Variants in SYT10 observed in about 807,000 individuals in gnomAD.
SYT10 encodes synaptotagmin 10.
A neutral mutation model predicts 51.1 loss-of-function variants in SYT10; 31 were observed. The observed-to-expected ratio is 0.61, with a 90% confidence interval of 0.46 to 0.82. The LOEUF is 0.82. SYT10 is among the 40% of genes least tolerant of loss of function. The pLI is 0.00. For missense variants in SYT10, 603 were observed against 634.0 expected (o/e 0.95, Z 0.53); for synonymous variants, 233 against 225.9 (o/e 1.03, Z -0.28).
intron 2 of SYT10, among the ~76,000 whole-genome samples, chr12:33,412,653 G>A (rs1323908377): frequency 6.6e-6 from 1 of 152,086 alleles, no homozygotes; most frequent in Non-Finnish European, 1.5e-5. Flanking sequence ...CCAACAAACA[G>A]AAAGGACATC....
chr12:33,421,575 G>A (rs1866505450), intron 2 of SYT10, among the ~76,000 whole-genome samples: 1 of 151,804 alleles, frequency 6.6e-6, no homozygotes, highest in African/African-American at 2.4e-5. Context: ...TATTTAAAAA[G>A]GCAAAATGAA....
At position 33,376,057 on chromosome 12, in the gene SYT10, T is replaced by C. The variant is rs1866058990; in HGVS notation, c.*773A>G. The C allele has an allele frequency of 2.0e-5, 3 of 152,388 alleles. No homozygotes were observed. Among genetic ancestry groups the C allele is most frequent in the Admixed American group, 2.0e-4 (3 of 15,280 alleles). 9.4% of individuals were successfully genotyped at this position (152,388 alleles called of 1,614,324 possible). A position where few individuals can be genotyped will look rare whatever the true frequency, so the allele number is the denominator to read the frequency against. ...ACTAATGCTACATTTGAGATGAAGATTATTAGAATTTTAAAAATATCAGTT... is the reference window on the plus strand; with the variant it reads ...ACTAATGCTACATTTGAGATGAAGACTATTAGAATTTTAAAAATATCAGTT... On this transcript the variant is annotated 3_prime_UTR_variant, in exon 7 of 7. Coordinates refer to ENST00000228567, the MANE Select transcript of SYT10 (RefSeq NM_198992.4).
chr12:33,439,271 G>A, intron 1 of SYT10, 101 bp downstream of exon 1: 1 of 1,443,116 alleles, frequency 6.9e-7, no homozygotes. Context: ...CCCCAAATAT[G>A]CCGCGGGAGC....
intron 2 of SYT10, among the ~76,000 whole-genome samples, chr12:33,410,611 G>T (rs529750473): frequency 1.3e-5 from 2 of 152,146 alleles, no homozygotes; most frequent in African/African-American, 4.8e-5. Flanking sequence ...AAAGTAAACT[G>T]CAGTGTTTTT....
Position 33,406,813 on chromosome 12 carries a change from C to T in SYT10, c.1053G>A (p.Trp351Ter). 2 of 1,611,970 alleles carry T rather than the reference C, an allele frequency of 1.2e-6. No homozygotes were observed. The highest frequency in any genetic ancestry group is 4.5e-5 in the East Asian group (2 of 44,852). Residue 351 changes from tryptophan to a stop codon, truncating the protein, a stop_gained, in exon 3 of 7, where the codon TGG becomes TGA. Transcript: ENST00000228567. LOFTEE classifies it high-confidence loss of function. ...VSDLSREATV[W>*]KDIHCATTES... The stretch of plus-strand genomic sequence containing the variant: ...CTGTGGTAGCACAGTGAATATCTTT[C>T]CATACTGTGGCTTCCCTGGAGAGAT...
At chr12:33,377,013 A>G in intron 6 of SYT10, 112 bp from the exon 7 acceptor site, 1 of 1,133,724 alleles carries the variant, frequency 8.8e-7, no homozygotes. Flanking sequence ...GAATCTCTGA[A>G]GAAAGGAAAT....
At chr12:33,382,609 A>G (rs1454695379) in intron 4 of SYT10, 89 bp from the exon 5 acceptor site, 7 of 1,272,014 alleles carry the variant, frequency 5.5e-6, no homozygotes, top group Non-Finnish European at 7.4e-6. Flanking sequence ...AATAAGACCT[A>G]TAGTACTAAG....
At chr12:33,393,716 G>T (rs1866229896) in intron 3 of SYT10, among the ~76,000 whole-genome samples, 1 of 152,094 alleles carries the variant, frequency 6.6e-6, no homozygotes, top group African/African-American at 2.4e-5. Context: ...GAAGACTCTA[G>T]ATGACCTGAC....
Position 33,439,650 on chromosome 12 carries a change from G to A in SYT10, c.-128C>T. 1 of 1,196,430 alleles carries A rather than the reference G, an allele frequency of 8.4e-7. No homozygotes were observed. The highest frequency in any genetic ancestry group is 1.5e-5 in the South Asian group (1 of 65,860). The allele number at this position is 1,196,430 out of a possible 1,614,324, so 74.1% of individuals were successfully genotyped here. On this transcript the variant is annotated 5_prime_UTR_variant, in exon 1 of 7. Transcript: ENST00000228567. ...GGTGACTTTGGCTGGAGATTGCGCCGCTGAGAGCCGGCAACTCTTAGGAGC... is the reference window on the plus strand; with the variant it reads ...GGTGACTTTGGCTGGAGATTGCGCCACTGAGAGCCGGCAACTCTTAGGAGC...
intron 2 of SYT10, 98 bp downstream of exon 2, chr12:33,426,040 A>C: frequency 7.9e-7 from 1 of 1,260,192 alleles, no homozygotes; most frequent in South Asian, 1.6e-5. Context: ...TCCCAACTAA[A>C]GTTTTTCTCT....
intron 2 of SYT10, among the ~76,000 whole-genome samples, chr12:33,416,240 C>A (rs1256956077): frequency 2.0e-5 from 3 of 152,050 alleles, no homozygotes. Flanking sequence ...GCCACCACGC[C>A]CCGCTGATTT....
chr12:33,378,260 G>A (rs1359029091), intron 6 of SYT10, among the ~76,000 whole-genome samples: 1 of 152,132 alleles, frequency 6.6e-6, no homozygotes, highest in Non-Finnish European at 1.5e-5. Context: ...CGACAAAAAA[G>A]TGTCTACACA....
At chr12:33,382,310 G>T in intron 5 of SYT10, 39 bp downstream of exon 5, 1 of 1,488,250 alleles carries the variant, frequency 6.7e-7, no homozygotes, top group Non-Finnish European at 8.9e-7. Context: ...CGCATGACTA[G>T]ACATGGCTGC....
Position 33,406,836 on chromosome 12 carries a change from G to C in SYT10, c.1030C>G (p.Leu344Val). The change falls in exon 3 of 7, where the codon CTC (leucine) becomes GTC (valine). Residue 344 changes from leucine to valine, a missense_variant. Transcript: ENST00000228567. ...TTCCATACTGTGGCTTCCCTGGAGA[G>C]ATCAGAGACTTCAAACAAATTATCA... ...ILDNLFEVSDLSREATVWKDI... is the reference protein window; with the variant it reads ...ILDNLFEVSDVSREATVWKDI... 2 of 1,613,864 alleles carry C rather than the reference G, an allele frequency of 1.2e-6. No homozygotes were observed. The highest frequency in any genetic ancestry group is 1.7e-6 in the Non-Finnish European group (2 of 1,179,978).
intron 3 of SYT10, among the ~76,000 whole-genome samples, chr12:33,398,930 T>C (rs1381431787): frequency 1.3e-5 from 2 of 152,142 alleles, no homozygotes; most frequent in Non-Finnish European, 2.9e-5. Context: ...AGCAGGAGTA[T>C]AAAGAAATGT....
chr12:33,439,708 G>A lies in SYT10; in HGVS notation c.-186C>T. ...TGGCCCCATGGCGGGAGCGGAGGGC[G>A]TAGGGGAAGGAGAGGCGCGCGAGGA... On this transcript the variant is annotated 5_prime_UTR_variant, in exon 1 of 7. The change creates a new upstream start codon in the 5' untranslated region. Coordinates refer to ENST00000228567, the MANE Select transcript of SYT10 (RefSeq NM_198992.4). The A allele has an allele frequency of 2.9e-6, 2 of 679,682 alleles. No homozygotes were observed. The highest frequency in any genetic ancestry group is 4.7e-6 in the Non-Finnish European group (2 of 426,256). 42.1% of individuals were successfully genotyped at this position (679,682 alleles called of 1,614,324 possible).
At chr12:33,380,591 T>G (rs1319064497) in intron 5 of SYT10, among the ~76,000 whole-genome samples, 1 of 152,228 alleles carries the variant, frequency 6.6e-6, no homozygotes, top group Non-Finnish European at 1.5e-5. Context: ...CAGTTAATAT[T>G]TTTGAGAGCT....
At chr12:33,387,571 AT>A (rs1866167449) in intron 3 of SYT10, among the ~76,000 whole-genome samples, 1 of 152,202 alleles carries the variant, frequency 6.6e-6, no homozygotes, top group Non-Finnish European at 1.5e-5. Context: ...TTGCAAGACT[AT>A]TAGTAAACAA....
In SYT10 at chr12:33,407,164, T is replaced by G; in HGVS notation, c.702A>C (p.Lys234Asn). 2 of 1,614,154 alleles carry G rather than the reference T, an allele frequency of 1.2e-6. No homozygotes were observed. Among genetic ancestry groups the G allele is most frequent in the Admixed American group, 3.3e-5 (2 of 60,006 alleles). Residue 234 changes from lysine to asparagine, a missense_variant, in exon 3 of 7, where the codon AAA becomes AAC. Transcript: ENST00000228567. ...AATCATACTGGAGGGTAAAGTTAAG[T>G]TTCCCACAGATTTTGACATCTTCGT... ...NQNEDVKICG[K>N]LNFTLQYDYE...
Sources: gnomAD v4.1 joint callset for allele counts (sites outside exome capture counted in the v4.1 genomes callset) on GRCh38, gnomAD v4.1.1 for gene constraint, MANE v1.5 for transcripts, NCBI Gene and HGNC (gene_info 2026-07-23, HGNC 2026-07-21) for gene names.